The following AIG1 variants were observed in gnomAD, a reference collection of about 807,000 sequenced individuals.
The protein encoded by AIG1 is androgen-induced gene 1 protein.
In AIG1, 23 loss-of-function variants were observed where a neutral mutation model predicts 31.4. The ratio of observed to expected loss-of-function variants is 0.73; its 90% CI spans 0.53 to 1.04. The LOEUF is 1.04. AIG1 is among the 50% of genes least tolerant of loss of function. The pLI is 0.00. For missense variants in AIG1, 274 were observed against 295.0 expected, an observed-to-expected ratio of 0.93 and a Z score of 0.52; for synonymous variants, 100 against 110.5, an observed-to-expected ratio of 0.90 and a Z score of 0.60.
chr6:143,064,004 T>C (rs1042806518), intron 1 of AIG1, among the ~76,000 whole-genome samples: 4 of 152,224 alleles, frequency 2.6e-5, no homozygotes, highest in African/African-American at 9.6e-5. Context: ...TTTCCTAGTA[T>C]TGAGAAACTG....
chr6:143,138,144 G>A (rs1783920443), intron 2 of AIG1, among the ~76,000 whole-genome samples: 1 of 152,170 alleles, frequency 6.6e-6, no homozygotes, highest in Admixed American at 6.5e-5. Flanking sequence ...TGGCCAGAGA[G>A]CATTATAATT....
intron 2 of AIG1, among the ~76,000 whole-genome samples, chr6:143,145,861 C>T (rs951838797): frequency 1.3e-5 from 2 of 152,102 alleles, no homozygotes; most frequent in African/African-American, 4.8e-5. Context: ...TAAGACTAAT[C>T]ATGGACATTT....
chr6:143,230,343 A>G (rs1392247089), intron 3 of AIG1, among the ~76,000 whole-genome samples: 1 of 151,146 alleles, frequency 6.6e-6, no homozygotes, highest in Non-Finnish European at 1.5e-5. Flanking sequence ...AAGTTATAAC[A>G]TACTATCTTA....
At chr6:143,287,497 C>T (rs1451563705) in intron 4 of AIG1, among the ~76,000 whole-genome samples, 1 of 152,124 alleles carries the variant, frequency 6.6e-6, no homozygotes, top group Non-Finnish European at 1.5e-5. Flanking sequence ...ACCGGACCCT[C>T]CACTGCCCTT....
intron 3 of AIG1, among the ~76,000 whole-genome samples, chr6:143,212,406 A>G (rs934642058): frequency 2.0e-5 from 3 of 152,156 alleles, no homozygotes; most frequent in Non-Finnish European, 4.4e-5. Context: ...GGGAAGGAGC[A>G]CACAATGTGA....
intron 3 of AIG1, among the ~76,000 whole-genome samples, chr6:143,210,212 T>A (rs148099754): frequency 0.011 from 1,656 of 152,352 alleles, 19 homozygotes; most frequent in Non-Finnish European, 0.017. Context: ...TGCTTCCACT[T>A]CTGCCATGAT....
chr6:143,193,976 G>A (rs1562478823), intron 3 of AIG1, among the ~76,000 whole-genome samples: 1 of 152,230 alleles, frequency 6.6e-6, no homozygotes, highest in East Asian at 1.9e-4. Context: ...ATATATTTCA[G>A]TATAGATGAG....
At chr6:143,306,931 C>T (rs7451540) in intron 4 of AIG1, among the ~76,000 whole-genome samples, 37,041 of 152,056 alleles carry the variant, frequency 0.24, 4,623 homozygotes, top group South Asian at 0.28. Context: ...AACTTCCCTT[C>T]TCGCTTCATT....
intron 3 of AIG1, among the ~76,000 whole-genome samples, chr6:143,217,235 C>CTGTGTTTTTTTGTTGT (rs1447927526): frequency 6.6e-6 from 1 of 152,138 alleles, no homozygotes; most frequent in Non-Finnish European, 1.5e-5. Flanking sequence ...CTTCCAATCA[C>CTGTGTTTTTTTGTTGT]TGTGTTTTTT....
rs1798144155 is a variant in AIG1 at position 143,292,778 on chromosome 6, C to T, written c.515+8553C>T. ...GATGATAGTGATCAGGCAGGATTGC[C>T]GTGAGCATCAGAAAAATGGGTATAC... On this transcript the variant is annotated intron_variant, in intron 4 of 5. Coordinates refer to ENST00000357847, the MANE Select transcript of AIG1 (RefSeq NM_016108.4). This position sits in a 1 kb window ranked among gnomAD's most constrained non-coding sequence, Gnocchi z 4.9. Among the ~76,000 whole-genome samples the T allele has an allele frequency of 6.6e-6, 1 of 152,174 alleles. No homozygotes were observed. The highest frequency in any genetic ancestry group is 1.5e-5 in the Non-Finnish European group (1 of 68,028).
At chr6:143,308,288 G>A (rs1053791211) in intron 4 of AIG1, among the ~76,000 whole-genome samples, 8 of 152,324 alleles carry the variant, frequency 5.3e-5, no homozygotes, top group South Asian at 4.1e-4. Flanking sequence ...GAAATCACCC[G>A]TCTTCTGCAT....
At chr6:143,205,285 C>T (rs1791025704) in intron 3 of AIG1, among the ~76,000 whole-genome samples, 2 of 152,198 alleles carry the variant, frequency 1.3e-5, no homozygotes, top group Non-Finnish European at 2.9e-5. Flanking sequence ...ATAATCTCTT[C>T]CAATCCCCTT....
downstream of AIG1, among the ~76,000 whole-genome samples, chr6:143,341,812 T>TA (rs374915855): frequency 1.3e-3 from 195 of 152,336 alleles, 1 homozygote; most frequent in African/African-American, 4.5e-3. Flanking sequence ...TGGAGGATGA[T>TA]AAATTATTGT....
intron 3 of AIG1, among the ~76,000 whole-genome samples, chr6:143,277,213 T>C (rs1796998766): frequency 6.6e-6 from 1 of 152,214 alleles, no homozygotes; most frequent in Non-Finnish European, 1.5e-5. Flanking sequence ...TACCCTTTTG[T>C]TCTATGGGGG....
At chr6:143,269,750 A>G (rs558554585) in intron 3 of AIG1, among the ~76,000 whole-genome samples, 6 of 152,394 alleles carry the variant, frequency 3.9e-5, no homozygotes, top group Admixed American at 3.9e-4. Context: ...TTCCATTTAT[A>G]CAAATGTAAA....
chr6:143,267,612 C>A (rs2128664487), intron 3 of AIG1, among the ~76,000 whole-genome samples: 1 of 152,294 alleles, frequency 6.6e-6, no homozygotes, highest in South Asian at 2.1e-4. Flanking sequence ...ATTCTCAAGG[C>A]TCCAAGTTAG....
intron 3 of AIG1, among the ~76,000 whole-genome samples, chr6:143,282,159 A>T (rs1797379666): frequency 6.6e-6 from 1 of 152,156 alleles, no homozygotes; most frequent in Admixed American, 6.5e-5. Context: ...TTTATTTAAA[A>T]ATGGAGGATT....
chr6:143,211,820 G>C (rs894474862), intron 3 of AIG1, among the ~76,000 whole-genome samples: 1 of 151,920 alleles, frequency 6.6e-6, no homozygotes, highest in Non-Finnish European at 1.5e-5. Context: ...TTGAACCCAG[G>C]ATGTGGAGGT....
intron 4 of AIG1, among the ~76,000 whole-genome samples, chr6:143,296,776 C>T (rs934744992): frequency 3.3e-5 from 5 of 152,180 alleles, no homozygotes; most frequent in African/African-American, 1.2e-4. Context: ...CCATATAAAA[C>T]ATTGACTTTG....
Sources: allele counts gnomAD v4.1 joint callset (sites outside exome capture counted in the v4.1 genomes callset), GRCh38; gene constraint gnomAD v4.1.1; non-coding constraint Gnocchi (gnomAD v3.1); transcripts MANE v1.5; gene names NCBI Gene and HGNC (gene_info 2026-07-23, HGNC 2026-07-21).